GPC5: variants seen among roughly 807,000 people sequenced by gnomAD.
GPC5 encodes the protein glypican-5.
GPC5 carries 47 observed loss-of-function variants against 53.9 expected under a neutral mutation model. The observed-to-expected ratio is 0.87, with a 90% CI of 0.69 to 1.11. The LOEUF (loss-of-function observed/expected upper bound fraction) is 1.11. Ranked by LOEUF, GPC5 falls within the 50% of genes most tolerant of loss-of-function variation. GPC5 has a pLI of 0.00. For missense variants in GPC5, 748 were observed against 713.1 expected, an observed-to-expected ratio of 1.05 and a Z score of -0.56; for synonymous variants, 286 against 263.3, an observed-to-expected ratio of 1.09 and a Z score of -0.84.
At chr13:92,415,936 A>G (rs1287456523) in intron 7 of GPC5, among the ~76,000 whole-genome samples, 1 of 152,230 alleles carries the variant, frequency 6.6e-6, no homozygotes, top group Admixed American at 6.5e-5. Context: ...TGCAGATTGA[A>G]GACATATTTA....
chr13:92,513,173 G>T (rs1880637999), intron 7 of GPC5, among the ~76,000 whole-genome samples: 1 of 152,182 alleles, frequency 6.6e-6, no homozygotes, highest in Admixed American at 6.5e-5. Context: ...AGAAGGGCGG[G>T]AATCAGCAGG....
intron 3 of GPC5, among the ~76,000 whole-genome samples, chr13:91,695,640 G>A (rs1279078661): frequency 6.6e-6 from 1 of 152,090 alleles, no homozygotes; most frequent in Middle Eastern, 3.2e-3. Flanking sequence ...CTCCCAAAGT[G>A]CTGGGATTAT....
At chr13:91,406,989 T>G (rs1331598875) in intron 1 of GPC5, among the ~76,000 whole-genome samples, 2 of 152,248 alleles carry the variant, frequency 1.3e-5, no homozygotes, top group Admixed American at 6.5e-5. Context: ...TTCTTTTTAC[T>G]AGACTATAGG....
intron 2 of GPC5, among the ~76,000 whole-genome samples, chr13:91,575,615 G>C (rs2032102880): frequency 6.6e-6 from 1 of 152,032 alleles, no homozygotes; most frequent in Non-Finnish European, 1.5e-5. Context: ...TACTGATGCT[G>C]TATGACGTTT....
intron 2 of GPC5, among the ~76,000 whole-genome samples, chr13:91,651,175 G>A (rs2034700062): frequency 6.6e-6 from 1 of 151,990 alleles, no homozygotes; most frequent in Non-Finnish European, 1.5e-5. Flanking sequence ...AAATGCATGT[G>A]GCTTTAAAAC....
At chr13:91,717,976 GTTA>G (rs556811883) in intron 3 of GPC5, among the ~76,000 whole-genome samples, 35 of 152,148 alleles carry the variant, frequency 2.3e-4, no homozygotes, top group Non-Finnish European at 4.9e-4. Context: ...CTTTTATCTA[GTTA>G]TTATTTTTAA....
chr13:91,735,070 G>A lies in GPC5; in HGVS notation c.1154+6405G>A, dbSNP rs995314353. On this transcript the variant is annotated intron_variant, in intron 4 of 7. Coordinates refer to ENST00000377067, the MANE Select transcript of GPC5 (RefSeq NM_004466.6). ...CATTTAATGTAAAATAAAATAAAGT[G>A]ATTAGTAACTTAGTCTAAGATGACC... 4.0e-5 allele frequency among the ~76,000 whole-genome samples: 6 copies of A among 150,908 alleles called. 1 individual carries two copies. The highest frequency in any genetic ancestry group is 1.3e-4 in the Admixed American group (2 of 15,212).
chr13:92,077,900 T>C (rs2041265004), intron 6 of GPC5, among the ~76,000 whole-genome samples: 1 of 152,176 alleles, frequency 6.6e-6, no homozygotes, highest in Non-Finnish European at 1.5e-5. Flanking sequence ...ATGCCAAGCA[T>C]TGCTGAACTT....
At chr13:92,394,595 T>C (rs1875175185) in intron 7 of GPC5, among the ~76,000 whole-genome samples, 1 of 152,286 alleles carries the variant, frequency 6.6e-6, no homozygotes, top group Non-Finnish European at 1.5e-5. Context: ...TTAATTTCTG[T>C]TTTTCATGAA....
chr13:92,866,226 A>T, intron 7 of GPC5, 56 bp from the exon 8 acceptor site: 1 of 1,497,208 alleles, frequency 6.7e-7, no homozygotes, highest in Non-Finnish European at 9.1e-7. Flanking sequence ...GTTGTTCTAG[A>T]CGTATTATGG....
intron 7 of GPC5, among the ~76,000 whole-genome samples, chr13:92,488,322 C>A (rs1474040863): frequency 6.6e-6 from 1 of 152,154 alleles, no homozygotes; most frequent in South Asian, 2.1e-4. Flanking sequence ...TTATGCATCA[C>A]TTTTCCGTGA....
intron 3 of GPC5, among the ~76,000 whole-genome samples, chr13:91,711,019 G>A (rs1238925672): frequency 1.3e-5 from 2 of 152,160 alleles, no homozygotes; most frequent in East Asian, 3.9e-4. Context: ...GTGTAAATTA[G>A]TTCACCATTG....
intron 7 of GPC5, among the ~76,000 whole-genome samples, chr13:92,282,967 A>G (rs1186350126): frequency 6.6e-6 from 1 of 152,228 alleles, no homozygotes; most frequent in Non-Finnish European, 1.5e-5. Flanking sequence ...AAAAGAGTCA[A>G]GACCCATCAG....
intron 7 of GPC5, among the ~76,000 whole-genome samples, chr13:92,799,281 G>A (rs907528145): frequency 6.6e-6 from 1 of 151,710 alleles, no homozygotes; most frequent in Non-Finnish European, 1.5e-5. Context: ...AAGCTACTGT[G>A]TAACTTCAAA....
intron 7 of GPC5, among the ~76,000 whole-genome samples, chr13:92,543,802 A>G (rs1882010701): frequency 1.3e-5 from 2 of 152,100 alleles, no homozygotes; most frequent in Admixed American, 1.3e-4. Flanking sequence ...CTCTTTCTAT[A>G]TATTTAAAAT....
chr13:91,479,561 A>C (rs1883193774), intron 2 of GPC5, among the ~76,000 whole-genome samples: 1 of 152,120 alleles, frequency 6.6e-6, no homozygotes, highest in Non-Finnish European at 1.5e-5. Flanking sequence ...TTCCCCAAGA[A>C]TATAGTCTAC....
chr13:92,266,123 G>T (rs975155990), intron 7 of GPC5, among the ~76,000 whole-genome samples: 2 of 152,062 alleles, frequency 1.3e-5, no homozygotes, highest in Admixed American at 6.6e-5. Context: ...GTTACATTGG[G>T]GATTAAGTTT....
intron 2 of GPC5, among the ~76,000 whole-genome samples, chr13:91,556,538 A>ATAT (rs765946543): frequency 6.6e-6 from 1 of 151,118 alleles, no homozygotes; most frequent in African/African-American, 2.4e-5. Context: ...ATATATATAT[A>ATAT]AAATGTGTGT....
intron 7 of GPC5, among the ~76,000 whole-genome samples, chr13:92,368,634 T>TA (rs34793615): frequency 0.44 from 28,903 of 66,254 alleles, 7,543 homozygotes; most frequent in Non-Finnish European, 0.52. Flanking sequence ...AAGACTGTCT[T>TA]AAAAAAAAAA....
Sources: allele counts gnomAD v4.1 joint callset (sites outside exome capture counted in the v4.1 genomes callset), GRCh38; gene constraint gnomAD v4.1.1; transcripts MANE v1.5; gene names NCBI Gene and HGNC (gene_info 2026-07-23, HGNC 2026-07-21).